The following SAMD5 variants were observed in gnomAD, a reference collection of about 807,000 sequenced individuals.
SAMD5 encodes the protein sterile alpha motif domain-containing protein 5.
SAMD5 carries 13 observed loss-of-function variants against 11.3 expected under a neutral mutation model. The ratio of observed to expected loss-of-function variants is 1.15; its 90% CI spans 0.75 to 1.83. The LOEUF (loss-of-function observed/expected upper bound fraction) is 1.83, where lower values mean the gene tolerates loss of function less well. Ranked by LOEUF, SAMD5 falls within the 40% of genes most tolerant of loss-of-function variation. SAMD5 has a pLI of 0.00. For synonymous variants in SAMD5, 129 were observed against 111.3 expected (o/e 1.16, Z -1.00); for missense variants, 255 against 239.1 (o/e 1.07, Z -0.44).
Position 147,546,684 on chromosome 6 carries a change from C to A in SAMD5, c.460-17710C>A, listed in dbSNP as rs116165193. The stretch of plus-strand genomic sequence containing the variant: ...TGTGTGTGCTAAGAAAGAGGAAAAT[C>A]AAATGGCATTAGATGAATACAGAGT... On this transcript the variant is annotated intron_variant, in intron 1 of 1. Coordinates refer to ENST00000367474, the MANE Select transcript of SAMD5 (RefSeq NM_001030060.3). 2.9e-3 allele frequency among the ~76,000 whole-genome samples: 439 copies of A among 152,258 alleles called. 1 individual carries two copies. Among genetic ancestry groups the A allele is most frequent in the African/African-American group, 9.8e-3 (406 of 41,558 alleles).
At chr6:147,819,494 C>T in the SAMD5 span, among the ~76,000 whole-genome samples, 1 of 152,154 alleles carries the variant, frequency 6.6e-6, no homozygotes, top group African/African-American at 2.4e-5. Flanking sequence ...TTAGCTGCTA[C>T]CTTAATAAAT....
chr6:147,690,755 A>G (rs765018448), intron 1 of SAMD5, among the ~76,000 whole-genome samples: 55 of 152,300 alleles, frequency 3.6e-4, no homozygotes, highest in Non-Finnish European at 3.4e-4. Context: ...GTTTCAATCT[A>G]TGTGGTTGAG....
chr6:147,605,271 C>A (rs993951354), intron 1 of SAMD5, among the ~76,000 whole-genome samples: 45 of 152,222 alleles, frequency 3.0e-4, no homozygotes, highest in African/African-American at 1.0e-3. Context: ...CACCACCACA[C>A]CTGATTAATT....
chr6:147,564,913 C>CATAT lies in SAMD5; in HGVS notation c.*460_*461insTATA. The stretch of plus-strand genomic sequence containing the variant: ...AGTAGCTTTAATTTTTATATTCAAG[C>CATAT]ATACATTCTACTTCATTTCATATAG... On this transcript the variant is annotated 3_prime_UTR_variant, in exon 2 of 2. Transcript: ENST00000367474. The CATAT allele has an allele frequency of 1.2e-6, 1 of 835,916 alleles. No homozygotes were observed. The highest frequency in any genetic ancestry group is 1.2e-4 in the East Asian group (1 of 8,040). 51.8% of individuals were successfully genotyped at this position (835,916 alleles called of 1,614,324 possible).
At chr6:147,672,833 C>T (rs900777702) in intron 1 of SAMD5, among the ~76,000 whole-genome samples, 3 of 151,948 alleles carry the variant, frequency 2.0e-5, no homozygotes, top group African/African-American at 7.3e-5. Flanking sequence ...TCCTTAAGTT[C>T]CTTCCAAATA....
At chr6:147,686,980 G>A (rs1040519241) in intron 1 of SAMD5, among the ~76,000 whole-genome samples, 5 of 151,158 alleles carry the variant, frequency 3.3e-5, no homozygotes, top group Non-Finnish European at 5.9e-5. Context: ...TTGGCTTCTT[G>A]TAATTCCATG....
intron 1 of SAMD5, among the ~76,000 whole-genome samples, chr6:147,510,532 G>A (rs927358840): frequency 5.3e-5 from 8 of 152,206 alleles, no homozygotes; most frequent in Admixed American, 1.3e-4. Flanking sequence ...AATAGGAAAT[G>A]TGGATAATCT....
At chr6:147,640,497 C>CAAAAAAAAAAAAAAAAAAAAAAAAAA (rs1172694444) in intron 1 of SAMD5, among the ~76,000 whole-genome samples, 3 of 24,188 alleles carry the variant, frequency 1.2e-4, no homozygotes, top group Non-Finnish European at 2.6e-4. Context: ...GACTCTGTCG[C>CAAAAAAAAAAAAAAAAAAAAAAAAAA]AAAAAAAAAA....
chr6:147,854,596 G>A, the SAMD5 span, among the ~76,000 whole-genome samples: 3 of 152,180 alleles, frequency 2.0e-5, no homozygotes, highest in African/African-American at 4.8e-5. Flanking sequence ...TCCTGTACTC[G>A]ATTTTTAAAT....
intron 1 of SAMD5, among the ~76,000 whole-genome samples, chr6:147,611,257 T>C (rs1346700395): frequency 2.6e-5 from 4 of 152,092 alleles, no homozygotes; most frequent in African/African-American, 7.2e-5. Context: ...AGAGAGGAAT[T>C]TGAAAGAAGA....
the SAMD5 span, among the ~76,000 whole-genome samples, chr6:147,805,757 G>A: frequency 6.6e-6 from 1 of 152,206 alleles, no homozygotes; most frequent in South Asian, 2.1e-4. Flanking sequence ...ATCTAAAAAT[G>A]TTTAGGAATT....
chr6:147,616,834 A>G (rs1283494173), intron 1 of SAMD5, among the ~76,000 whole-genome samples: 2 of 152,190 alleles, frequency 1.3e-5, no homozygotes, highest in African/African-American at 4.8e-5. Flanking sequence ...TTAAACCATC[A>G]GATTTTGTGA....
At chr6:147,920,554 C>T in the SAMD5 span, among the ~76,000 whole-genome samples, 1 of 152,168 alleles carries the variant, frequency 6.6e-6, no homozygotes, top group African/African-American at 2.4e-5. Flanking sequence ...TTCAAATATA[C>T]ATCTATCCTA....
chr6:147,570,727 C>CA (rs899315769), downstream of SAMD5, among the ~76,000 whole-genome samples: 24 of 150,576 alleles, frequency 1.6e-4, no homozygotes, highest in African/African-American at 4.6e-4. Flanking sequence ...AAATTTAAAG[C>CA]AAAAAAAATA....
downstream of SAMD5, among the ~76,000 whole-genome samples, chr6:147,573,875 A>G (rs979831977): frequency 1.3e-5 from 2 of 152,204 alleles, no homozygotes; most frequent in African/African-American, 4.8e-5. Context: ...CTGTAATTCC[A>G]GCATTTTGGG....
intron 1 of SAMD5, among the ~76,000 whole-genome samples, chr6:147,515,523 C>T (rs116671206): frequency 4.1e-4 from 62 of 151,730 alleles, no homozygotes; most frequent in African/African-American, 1.5e-3. Context: ...CATCCATCTA[C>T]CCATTCATCC....
At chr6:147,883,954 A>G in the SAMD5 span, among the ~76,000 whole-genome samples, 2 of 151,998 alleles carry the variant, frequency 1.3e-5, no homozygotes, top group Non-Finnish European at 2.9e-5. Context: ...TCAAATTTAT[A>G]TAAACCAGCC....
intron 1 of SAMD5, among the ~76,000 whole-genome samples, chr6:147,685,575 T>C (rs538738333): frequency 6.6e-6 from 1 of 152,340 alleles, no homozygotes; most frequent in African/African-American, 2.4e-5. Flanking sequence ...AACTTTGCCT[T>C]CTTGGAGTTC....
chr6:147,652,492 C>T (rs1365212390), intron 1 of SAMD5, among the ~76,000 whole-genome samples: 3 of 152,144 alleles, frequency 2.0e-5, no homozygotes, highest in Non-Finnish European at 4.4e-5. Flanking sequence ...GGATCAGTAG[C>T]AATCATGGAG....
Sources: gnomAD v4.1 joint callset for allele counts (sites outside exome capture counted in the v4.1 genomes callset) on GRCh38, gnomAD v4.1.1 for gene constraint, MANE v1.5 for transcripts, NCBI Gene and HGNC (gene_info 2026-07-23, HGNC 2026-07-21) for gene names.